CCDC88C: variants seen among roughly 807,000 people sequenced by gnomAD.
CCDC88C encodes the protein protein Daple.
A neutral mutation model predicts 198.8 loss-of-function variants in CCDC88C; 131 were observed. The ratio of observed to expected loss-of-function variants is 0.66; its 90% CI spans 0.57 to 0.76. The LOEUF is 0.76. CCDC88C is among the 30% of genes least tolerant of loss of function. CCDC88C has a pLI of 0.00. For missense variants in CCDC88C, 2,553 were observed against 2,631.6 expected, an observed-to-expected ratio of 0.97 and a Z score of 0.65; for synonymous variants, 1,166 against 1,114.7, an observed-to-expected ratio of 1.05 and a Z score of -0.92.
chr14:91,391,700 TC>T (rs1885516063), intron 3 of CCDC88C, among the ~76,000 whole-genome samples: 1 of 151,956 alleles, frequency 6.6e-6, no homozygotes, highest in South Asian at 2.1e-4. Flanking sequence ...AATCGCTTGA[TC>T]CCAGGGGGCT....
chr14:91,303,546 C>A (rs1891417098), intron 20 of CCDC88C, among the ~76,000 whole-genome samples, 155 bp downstream of exon 20: 1 of 141,594 alleles, frequency 7.1e-6, no homozygotes, highest in Non-Finnish European at 1.5e-5. Flanking sequence ...TCCCCCAGGT[C>A]CCACCCATCT....
At chr14:91,323,349 C>T (rs1876891040) in intron 12 of CCDC88C, among the ~76,000 whole-genome samples, 1 of 152,220 alleles carries the variant, frequency 6.6e-6, no homozygotes, top group Non-Finnish European at 1.5e-5. Context: ...TCACTGTTTT[C>T]TCTCACTCAT....
Position 91,313,918 on chromosome 14 carries a change from A to G in CCDC88C, c.1898T>C (p.Leu633Pro). The G allele has an allele frequency of 6.2e-7, 1 of 1,610,340 alleles. No individual in the cohort carries two copies. The highest frequency in any genetic ancestry group is 8.5e-7 in the Non-Finnish European group (1 of 1,179,208). The change falls in exon 15 of 30, where the codon CTG becomes CCG. Residue 633 changes from leucine (L) to proline (P), a missense_variant. Transcript: ENST00000389857. This position sits in a 1 kb window ranked among gnomAD's most constrained non-coding sequence, Gnocchi z 5.2. The stretch of plus-strand genomic sequence containing the variant: ...CTGGAGTCGCTGTAGCTCCCTCTCC[A>G]GCTTCTCTGCCCGCTCCCCCTTCTC... Reference protein sequence around the residue: ...AKEKGERAEKLERELQRLQEE... With the variant: ...AKEKGERAEKPERELQRLQEE...
rs549731396 is a variant in CCDC88C at position 91,317,818 on chromosome 14, G to A, written c.1528-2031C>T. ...GGGAGGAAGTGGGTAGGGCCTGAGA[G>A]ATCAGCATAAGGAGTTGTGGTGGGT... On this transcript the variant is annotated intron_variant, in intron 13 of 29. Coordinates refer to ENST00000389857, the MANE Select transcript of CCDC88C (RefSeq NM_001080414.4). 2.6e-5 allele frequency among the ~76,000 whole-genome samples: 4 copies of A among 152,350 alleles called. No homozygotes were observed. The East Asian group carries it at 5.8e-4, about 22-fold the overall frequency.
chr14:91,391,027 G>C (rs1885476169), intron 3 of CCDC88C, among the ~76,000 whole-genome samples: 1 of 152,210 alleles, frequency 6.6e-6, no homozygotes, highest in Admixed American at 6.5e-5. Context: ...GAAATGGGAA[G>C]GAAGTAAGGA....
intron 22 of CCDC88C, 149 bp downstream of exon 22, chr14:91,297,156 G>C: frequency 1.3e-6 from 1 of 792,098 alleles, no homozygotes. Flanking sequence ...AGCACCTCTG[G>C]CTTCACCGCA....
At position 91,313,817 on chromosome 14, in the gene CCDC88C, CA is replaced by C; in HGVS notation, c.1998del (p.His666GlnfsTer13). 1 of 1,605,122 alleles carries C rather than the reference CA, an allele frequency of 6.2e-7. No individual in the cohort carries two copies. Among genetic ancestry groups the C allele is most frequent in the Non-Finnish European group, 8.5e-7 (1 of 1,178,136 alleles). ...TTCTCCAGCTGCAGGCCCTGGCTCT[CA>C]TGCTCCAGGGCCTCGACTTTCTCGG... ...TATEKVEALE[H>X]ESQGLQLENR... On this transcript the variant is annotated frameshift_variant, in exon 15 of 30. Coordinates refer to ENST00000389857, the MANE Select transcript of CCDC88C (RefSeq NM_001080414.4). LOFTEE classifies it high-confidence loss of function. The surrounding 1 kb of genome is among the most constrained non-coding windows in gnomAD (Gnocchi z 5.2).
intron 10 of CCDC88C, 88 bp from the exon 11 acceptor site, chr14:91,326,144 A>G: frequency 3.2e-6 from 4 of 1,231,400 alleles, no homozygotes; most frequent in Non-Finnish European, 4.6e-6. Context: ...TCTTTCAGGC[A>G]TCTGGACCCA....
At chr14:91,340,083 C>G (rs1342913469) in intron 6 of CCDC88C, 59 bp from the exon 7 acceptor site, 1 of 1,582,168 alleles carries the variant, frequency 6.3e-7, no homozygotes, top group South Asian at 1.2e-5. Flanking sequence ...CCACTTCCCT[C>G]ACACTGCAAA....
At chr14:91,384,964 CTT>C (rs1885041024) in intron 3 of CCDC88C, among the ~76,000 whole-genome samples, 1 of 152,208 alleles carries the variant, frequency 6.6e-6, no homozygotes. Context: ...AGATGACAAA[CTT>C]TTTCCTTCCA....
Position 91,272,608 on chromosome 14 carries a change from G to A in CCDC88C, c.*17C>T. 6.3e-7 allele frequency: 1 copy of A among 1,589,826 alleles called. No homozygotes were observed. Among genetic ancestry groups the A allele is most frequent in the African/African-American group, 1.3e-5 (1 of 74,442 alleles). On this transcript the variant is annotated 3_prime_UTR_variant, in exon 30 of 30. Coordinates refer to ENST00000389857, the MANE Select transcript of CCDC88C (RefSeq NM_001080414.4). ...GCGTCAGTAGTTTTCAGGTTTGCGA[G>A]CTCAACCACGAGACAGTCACACACA...
At chr14:91,316,801 C>T (rs910209196) in intron 13 of CCDC88C, among the ~76,000 whole-genome samples, 1 of 152,200 alleles carries the variant, frequency 6.6e-6, no homozygotes, top group African/African-American at 2.4e-5. Context: ...TCATCTTTCT[C>T]ATTCTGTGGT....
intron 14 of CCDC88C, 59 bp downstream of exon 14, chr14:91,315,591 C>T (rs767434742): frequency 2.6e-5 from 41 of 1,595,500 alleles, no homozygotes; most frequent in African/African-American, 9.4e-5. Context: ...GCTGTAATCC[C>T]GGCTCTCCGT....
intron 3 of CCDC88C, among the ~76,000 whole-genome samples, chr14:91,382,588 G>A (rs1884875771): frequency 6.6e-6 from 1 of 152,178 alleles, no homozygotes; most frequent in Non-Finnish European, 1.5e-5. Flanking sequence ...GTGAGGCAGA[G>A]ATGACCCAGA....
intron 3 of CCDC88C, among the ~76,000 whole-genome samples, chr14:91,386,417 C>T (rs919746732): frequency 5.3e-5 from 8 of 151,972 alleles, no homozygotes; most frequent in Admixed American, 5.2e-4. Context: ...GCCAAGATCA[C>T]ACCTTTGCAG....
chr14:91,297,283 GCTC>G lies in CCDC88C; in HGVS notation c.3966+19_3966+21del, dbSNP rs1891047931. 6.2e-7 allele frequency: 1 copy of G among 1,607,484 alleles called. No individual in the cohort carries two copies. The highest frequency in any genetic ancestry group is 1.1e-5 in the South Asian group (1 of 89,776). ...GGGGGACTCATCCCTGTCTCCCGAG[GCTC>G]CCCTGGCGCTGGCCTCACCTCACAG... On this transcript the variant is annotated intron_variant, in intron 22 of 29. Coordinates refer to ENST00000389857, the MANE Select transcript of CCDC88C (RefSeq NM_001080414.4).
chr14:91,294,779 T>C (rs979002501), intron 22 of CCDC88C, among the ~76,000 whole-genome samples: 2 of 152,184 alleles, frequency 1.3e-5, no homozygotes, highest in African/African-American at 2.4e-5. Context: ...CTCAGCCTCC[T>C]GAGTCTCAGC....
chr14:91,392,767 G>GCCCCTCACTCTCACCGCA (rs1567118424), intron 3 of CCDC88C, among the ~76,000 whole-genome samples: 3 of 150,232 alleles, frequency 2.0e-5, no homozygotes, highest in South Asian at 2.1e-4. Context: ...CTCTCACCGC[G>GCCCCTCACTCTCACCGCA]CCCCTCACTC....
At chr14:91,286,172 T>C (rs1890402155) in intron 25 of CCDC88C, among the ~76,000 whole-genome samples, 1 of 152,180 alleles carries the variant, frequency 6.6e-6, no homozygotes, top group African/African-American at 2.4e-5. Flanking sequence ...CACTAATGCT[T>C]ATTAATTTAG....
Sources: allele counts gnomAD v4.1 joint callset (sites outside exome capture counted in the v4.1 genomes callset), GRCh38; gene constraint gnomAD v4.1.1; non-coding constraint Gnocchi (gnomAD v3.1); transcripts MANE v1.5; gene names NCBI Gene and HGNC (gene_info 2026-07-23, HGNC 2026-07-21).